TMEM135: variants seen among roughly 807,000 people sequenced by gnomAD.
TMEM135 encodes the protein transmembrane protein 135.
Under a neutral mutation model 60.3 loss-of-function variants are expected in TMEM135, and 30 were observed. That is an observed-to-expected ratio of 0.50 (90% CI 0.37 to 0.68). TMEM135 has a LOEUF of 0.68. Among genes scored for constraint, TMEM135 ranks in the 30% least tolerant of loss-of-function variants. TMEM135 has a pLI of 0.00. For synonymous variants in TMEM135, 190 were observed against 186.7 expected (o/e 1.02, Z -0.14); for missense variants, 468 against 548.8 (o/e 0.85, Z 1.47).
chr11:87,094,774 T>A, intron 4 of TMEM135: 1 of 195,146 alleles, frequency 5.1e-6, no homozygotes. Flanking sequence ...CTCCCAGATG[T>A]TTGAATTTTT....
intron 5 of TMEM135, among the ~76,000 whole-genome samples, chr11:87,169,317 G>T (rs1260506718): frequency 6.7e-6 from 1 of 149,708 alleles, no homozygotes; most frequent in African/African-American, 2.5e-5. Context: ...GGTTAATATT[G>T]TTATGTGTGA....
chr11:87,135,615 C>T (rs1441039463), intron 4 of TMEM135, among the ~76,000 whole-genome samples: 1 of 151,492 alleles, frequency 6.6e-6, no homozygotes, highest in Admixed American at 6.6e-5. Flanking sequence ...ATGTTTAAAC[C>T]CAAACCATGC....
intron 4 of TMEM135, among the ~76,000 whole-genome samples, chr11:87,112,757 G>A (rs1268932014): frequency 6.6e-6 from 1 of 151,516 alleles, no homozygotes; most frequent in Non-Finnish European, 1.5e-5. Flanking sequence ...TGCCTAGCAT[G>A]ATACAGGTTC....
chr11:87,215,577 A>C (rs373951429), intron 5 of TMEM135, among the ~76,000 whole-genome samples: 1 of 152,324 alleles, frequency 6.6e-6, no homozygotes, highest in East Asian at 1.9e-4. Flanking sequence ...CCAAGAGAGG[A>C]AAGTGGGGCA....
intron 1 of TMEM135, among the ~76,000 whole-genome samples, chr11:87,059,168 C>T (rs1321426808): frequency 1.3e-5 from 2 of 151,998 alleles, no homozygotes; most frequent in Admixed American, 6.6e-5. Flanking sequence ...AACTCCTGAC[C>T]TCAGGCGATC....
intron 4 of TMEM135, among the ~76,000 whole-genome samples, chr11:87,100,723 G>A (rs145432688): frequency 2.6e-5 from 4 of 152,218 alleles, no homozygotes; most frequent in African/African-American, 7.2e-5. Flanking sequence ...TTAGCCAGGC[G>A]TGGTGGCATG....
rs1478083041 is a variant in TMEM135 at position 87,108,574 on chromosome 11, A to C, written c.396+17179A>C. ...TGCTTTGATCTTTGTTATCTCCTTC[A>C]TTTGTTTACTTTGGGCTTAGTTTGT... On this transcript the variant is annotated intron_variant, in intron 4 of 14. Coordinates refer to ENST00000305494, the MANE Select transcript of TMEM135 (RefSeq NM_022918.4). Among the ~76,000 whole-genome samples the C allele has an allele frequency of 3.3e-5, 5 of 151,516 alleles. No homozygotes were observed. In the East Asian group the frequency reaches 7.8e-4, roughly 24 times the overall value.
chr11:87,214,172 C>T (rs1940445089), intron 5 of TMEM135, among the ~76,000 whole-genome samples: 1 of 152,040 alleles, frequency 6.6e-6, no homozygotes, highest in African/African-American at 2.4e-5. Context: ...TCTGAGACCA[C>T]AAAAGGATGA....
intron 5 of TMEM135, among the ~76,000 whole-genome samples, chr11:87,168,113 T>C (rs1939116823): frequency 6.6e-6 from 1 of 152,212 alleles, no homozygotes; most frequent in Admixed American, 6.5e-5. Context: ...GTTTCTAGTA[T>C]TCTCTGATGG....
chr11:87,127,032 A>C, intron 4 of TMEM135, among the ~76,000 whole-genome samples: 1 of 152,226 alleles, frequency 6.6e-6, no homozygotes, highest in East Asian at 1.9e-4. Context: ...ATTTATTAAC[A>C]GCCCTAGCCT....
At chr11:87,098,924 G>A (rs527462826) in intron 4 of TMEM135, among the ~76,000 whole-genome samples, 8 of 152,206 alleles carry the variant, frequency 5.3e-5, no homozygotes, top group South Asian at 2.1e-4. Context: ...TCCTGACCTC[G>A]TGATCCGCCC....
At chr11:87,178,851 CCAGTTTTCAGTTA>C (rs1317214522) in intron 5 of TMEM135, among the ~76,000 whole-genome samples, 3 of 151,530 alleles carry the variant, frequency 2.0e-5, no homozygotes, top group Non-Finnish European at 4.4e-5. Context: ...TGGATTATTT[CCAGTTTTCAGTTA>C]TGAAAATTGG....
At chr11:87,063,560 C>G (rs1414123446) in intron 1 of TMEM135, among the ~76,000 whole-genome samples, 2 of 152,172 alleles carry the variant, frequency 1.3e-5, no homozygotes, top group Non-Finnish European at 2.9e-5. Context: ...CTTTTTCATG[C>G]TGTAGTGTGC....
At chr11:87,310,002 A>G (rs1417257712) in intron 10 of TMEM135, among the ~76,000 whole-genome samples, 3 of 152,142 alleles carry the variant, frequency 2.0e-5, no homozygotes, top group Admixed American at 6.5e-5. Context: ...TGATATTAAT[A>G]TGCCTGGCTT....
At chr11:87,290,605 A>G (rs1942246156) in intron 6 of TMEM135, among the ~76,000 whole-genome samples, 1 of 152,184 alleles carries the variant, frequency 6.6e-6, no homozygotes, top group South Asian at 2.1e-4. Flanking sequence ...CTAATTGAAA[A>G]TTTGAACATT....
intron 4 of TMEM135, among the ~76,000 whole-genome samples, chr11:87,151,762 G>A (rs1346770226): frequency 6.6e-6 from 1 of 152,048 alleles, no homozygotes; most frequent in African/African-American, 2.4e-5. Context: ...AAAGTGGTTG[G>A]GATATAAGCA....
At chr11:87,093,201 T>G (rs896657330) in intron 4 of TMEM135, among the ~76,000 whole-genome samples, 1 of 152,130 alleles carries the variant, frequency 6.6e-6, no homozygotes, top group Non-Finnish European at 1.5e-5. Flanking sequence ...ACTCATCTAT[T>G]TACCTGTTTC....
intron 1 of TMEM135, among the ~76,000 whole-genome samples, chr11:87,054,899 T>C (rs904065640): frequency 1.3e-5 from 2 of 152,198 alleles, no homozygotes; most frequent in Admixed American, 6.5e-5. Context: ...ATTTGGAGTG[T>C]AGTATAACTG....
chr11:87,149,032 T>TTG (rs553840798), intron 4 of TMEM135, among the ~76,000 whole-genome samples: 6,739 of 143,522 alleles, frequency 0.047, 253 homozygotes, highest in East Asian at 0.18. Flanking sequence ...CCCCATACCT[T>TTG]TGTGTGTGTG....
Sources: gnomAD v4.1 joint callset for allele counts (sites outside exome capture counted in the v4.1 genomes callset) on GRCh38, gnomAD v4.1.1 for gene constraint, MANE v1.5 for transcripts, NCBI Gene and HGNC (gene_info 2026-07-23, HGNC 2026-07-21) for gene names.